PTPRD: variants seen among roughly 807,000 people sequenced by gnomAD.
The protein encoded by PTPRD is receptor-type tyrosine-protein phosphatase delta.
PTPRD carries 34 observed loss-of-function variants against 214.5 expected under a neutral mutation model. That is an observed-to-expected ratio of 0.16 (90% CI 0.12 to 0.21). PTPRD has a LOEUF of 0.21. PTPRD is among the 10% of genes least tolerant of loss of function. The probability of loss-of-function intolerance (pLI) is 1.00; values close to 1 mark genes in which losing one functional copy is unlikely to be tolerated. For missense variants in PTPRD, 2,545 were observed against 2,398.7 expected, an observed-to-expected ratio of 1.06 and a Z score of -1.27; for synonymous variants, 1,128 against 845.7, an observed-to-expected ratio of 1.33 and a Z score of -5.79.
chr9:9,920,154 A>T (rs2082151163), intron 5 of PTPRD, among the ~76,000 whole-genome samples: 1 of 152,154 alleles, frequency 6.6e-6, no homozygotes, highest in Non-Finnish European at 1.5e-5. Context: ...CTTCCAAAAC[A>T]GTGTCTCAGG....
chr9:9,124,620 C>G (rs2099823919), intron 10 of PTPRD, among the ~76,000 whole-genome samples: 1 of 152,120 alleles, frequency 6.6e-6, no homozygotes, highest in African/African-American at 2.4e-5. Context: ...TCAGCTCATA[C>G]CAAATCTGCT....
chr9:8,377,805 T>G (rs745598649), intron 37 of PTPRD, among the ~76,000 whole-genome samples: 6 of 152,050 alleles, frequency 3.9e-5, no homozygotes, highest in Non-Finnish European at 8.8e-5. Flanking sequence ...GTCCAGCAAA[T>G]AGAATTATTA....
At chr9:8,511,189 C>T (rs1179749953) in intron 21 of PTPRD, among the ~76,000 whole-genome samples, 2 of 152,108 alleles carry the variant, frequency 1.3e-5, no homozygotes, top group Admixed American at 1.3e-4. Flanking sequence ...CCACCTCAGC[C>T]CCCTGAGTAG....
chr9:9,758,521 G>A (rs1020692764), intron 6 of PTPRD, among the ~76,000 whole-genome samples: 5 of 152,132 alleles, frequency 3.3e-5, no homozygotes, highest in Non-Finnish European at 7.3e-5. Context: ...GAGAGGCAGC[G>A]TGTGAGTTCC....
intron 7 of PTPRD, among the ~76,000 whole-genome samples, chr9:9,711,372 A>G (rs2097726074): frequency 6.6e-6 from 1 of 152,158 alleles, no homozygotes; most frequent in East Asian, 1.9e-4. Context: ...TAAATGAGGT[A>G]TTACTGTACT....
At chr9:8,874,982 T>C (rs889203749) in intron 11 of PTPRD, among the ~76,000 whole-genome samples, 8 of 152,132 alleles carry the variant, frequency 5.3e-5, no homozygotes, top group African/African-American at 1.7e-4. Flanking sequence ...AAGGGAGGCA[T>C]AGAAGAGAAG....
chr9:8,754,640 T>G (rs1479510794), intron 11 of PTPRD, among the ~76,000 whole-genome samples: 1 of 152,214 alleles, frequency 6.6e-6, no homozygotes, highest in Admixed American at 6.5e-5. Flanking sequence ...TAATACATCT[T>G]ATAGACAATG....
intron 2 of PTPRD, among the ~76,000 whole-genome samples, chr9:10,344,626 T>C (rs2097029391): frequency 6.6e-6 from 1 of 152,180 alleles, no homozygotes; most frequent in African/African-American, 2.4e-5. Flanking sequence ...TTGGGTAGTA[T>C]GGCCATTTTC....
intron 11 of PTPRD, among the ~76,000 whole-genome samples, chr9:8,926,521 T>C (rs948434384): frequency 2.0e-5 from 3 of 152,188 alleles, no homozygotes; most frequent in African/African-American, 7.2e-5. Context: ...GAAAGTTCTG[T>C]GTTTTAACTG....
chr9:9,946,584 G>A (rs2092589355), intron 4 of PTPRD, among the ~76,000 whole-genome samples: 1 of 151,976 alleles, frequency 6.6e-6, no homozygotes, highest in African/African-American at 2.4e-5. Flanking sequence ...CACTCTTTTT[G>A]CAAAGGGAAA....
At chr9:9,350,890 T>C (rs1467261504) in intron 9 of PTPRD, among the ~76,000 whole-genome samples, 4 of 152,088 alleles carry the variant, frequency 2.6e-5, no homozygotes, top group Non-Finnish European at 2.9e-5. Context: ...AGATCCTCTT[T>C]TTCTGAGAGT....
intron 7 of PTPRD, among the ~76,000 whole-genome samples, chr9:9,706,886 GAAACAAAA>G (rs1296767400): frequency 6.6e-6 from 1 of 152,020 alleles, no homozygotes; most frequent in African/African-American, 2.4e-5. Context: ...TAAATAAAAT[GAAACAAAA>G]AGGCAAAAAG....
chr9:8,623,549 G>C (rs978902936), intron 14 of PTPRD, among the ~76,000 whole-genome samples: 8 of 151,778 alleles, frequency 5.3e-5, no homozygotes, highest in Admixed American at 2.6e-4. Flanking sequence ...CAAATAATTT[G>C]AAATTAACTC....
chr9:9,512,897 G>A (rs1590299893), intron 8 of PTPRD, among the ~76,000 whole-genome samples: 1 of 150,310 alleles, frequency 6.7e-6, no homozygotes, highest in South Asian at 2.1e-4. Flanking sequence ...TAATAATCAC[G>A]AGTAATCATT....
intron 39 of PTPRD, among the ~76,000 whole-genome samples, chr9:8,345,494 C>T (rs1856714485): frequency 6.6e-6 from 1 of 152,028 alleles, no homozygotes; most frequent in Admixed American, 6.6e-5. Context: ...ATCCCTAATG[C>T]AGGTTCCTAG....
At chr9:9,236,713 A>AT (rs1426339167) in intron 9 of PTPRD, among the ~76,000 whole-genome samples, 6 of 151,386 alleles carry the variant, frequency 4.0e-5, no homozygotes, top group Non-Finnish European at 8.8e-5. Flanking sequence ...CATTTGTCAC[A>AT]TTTTTAACAC....
chr9:9,098,388 C>A (rs2099786710), intron 10 of PTPRD, among the ~76,000 whole-genome samples: 1 of 152,026 alleles, frequency 6.6e-6, no homozygotes, highest in Non-Finnish European at 1.5e-5. Context: ...TTCCAAGTAG[C>A]TGGGACTACA....
intron 3 of PTPRD, among the ~76,000 whole-genome samples, chr9:10,111,536 C>T (rs552262711): frequency 6.6e-6 from 1 of 152,064 alleles, no homozygotes; most frequent in Non-Finnish European, 1.5e-5. Context: ...CCGCGCCCGG[C>T]CCCAGTTTAG....
intron 12 of PTPRD, among the ~76,000 whole-genome samples, chr9:8,729,303 G>C (rs1370444761): frequency 6.6e-6 from 1 of 151,990 alleles, no homozygotes; most frequent in African/African-American, 2.4e-5. Flanking sequence ...TTCCCCTCTT[G>C]ATCTTCAATT....
Sources: gnomAD v4.1 joint callset for allele counts (sites outside exome capture counted in the v4.1 genomes callset) on GRCh38, gnomAD v4.1.1 for gene constraint, MANE v1.5 for transcripts, NCBI Gene and HGNC (gene_info 2026-07-23, HGNC 2026-07-21) for gene names.